Variants in NAV2 observed in about 807,000 individuals in gnomAD.
NAV2 encodes the protein helicase, APC down-regulated 1.
A neutral mutation model predicts 223.2 loss-of-function variants in NAV2; 54 were observed. The ratio of observed to expected loss-of-function variants is 0.24; its 90% CI spans 0.19 to 0.30. The LOEUF (loss-of-function observed/expected upper bound fraction) is 0.30. Ranked by LOEUF, NAV2 falls within the 10% of genes least tolerant of loss-of-function variation. The pLI, the probability that NAV2 is intolerant of heterozygous loss-of-function variation, is 1.00. For missense variants in NAV2, 2,806 were observed against 3,147.5 expected, an observed-to-expected ratio of 0.89 and a Z score of 2.60; for synonymous variants, 1,279 against 1,239.3, an observed-to-expected ratio of 1.03 and a Z score of -0.67.
At chr11:19,565,429 G>A (rs1421180611) in intron 1 of NAV2, among the ~76,000 whole-genome samples, 1 of 152,224 alleles carries the variant, frequency 6.6e-6, no homozygotes, top group Admixed American at 6.5e-5. Context: ...TGAGAGCTTC[G>A]GTAGTGGCTT....
intron 3 of NAV2, among the ~76,000 whole-genome samples, chr11:19,866,896 C>G (rs1358080787): frequency 6.6e-6 from 1 of 151,912 alleles, no homozygotes; most frequent in African/African-American, 2.4e-5. Context: ...ACATAATTGC[C>G]AAAGCCTCAC....
intron 3 of NAV2, among the ~76,000 whole-genome samples, chr11:19,845,268 A>G (rs11025288): frequency 0.19 from 28,882 of 152,156 alleles, 2,814 homozygotes; most frequent in Middle Eastern, 0.25. Context: ...TAGGTGGTTA[A>G]CCTCCCAATT....
chr11:20,047,320 C>T (rs2057542816), intron 14 of NAV2, among the ~76,000 whole-genome samples: 1 of 152,180 alleles, frequency 6.6e-6, no homozygotes, highest in Non-Finnish European at 1.5e-5. Flanking sequence ...TGGTAAATTA[C>T]ATTTCTTCCT....
chr11:20,080,461 C>G (rs992751574), intron 25 of NAV2, among the ~76,000 whole-genome samples: 1 of 152,162 alleles, frequency 6.6e-6, no homozygotes, highest in Non-Finnish European at 1.5e-5. Context: ...ATAAAGTACT[C>G]ATCTTTCATT....
At chr11:19,932,272 A>G (rs78836298) in intron 6 of NAV2, among the ~76,000 whole-genome samples, 3 of 144,300 alleles carry the variant, frequency 2.1e-5, no homozygotes, top group Non-Finnish European at 3.1e-5. Context: ...AAAGAAAAGG[A>G]AAAAAAAAAA....
intron 10 of NAV2, among the ~76,000 whole-genome samples, chr11:19,951,660 T>C (rs187335077): frequency 6.6e-6 from 1 of 152,220 alleles, no homozygotes; most frequent in Non-Finnish European, 1.5e-5. Context: ...GTGTTGATTA[T>C]GTCCACAAGG....
chr11:19,726,753 C>T (rs1279727004), intron 1 of NAV2, among the ~76,000 whole-genome samples: 2 of 152,222 alleles, frequency 1.3e-5, no homozygotes, highest in African/African-American at 4.8e-5. Flanking sequence ...GTTAGAAATG[C>T]AGAATCCCAG....
intron 1 of NAV2, among the ~76,000 whole-genome samples, chr11:19,523,355 C>T (rs1393166485): frequency 6.7e-6 from 1 of 149,832 alleles, no homozygotes; most frequent in African/African-American, 2.6e-5. Context: ...GCTCTGGAGT[C>T]AGGAACAGTG....
chr11:19,546,813 C>CT (rs1292530692), intron 1 of NAV2, among the ~76,000 whole-genome samples: 1 of 152,114 alleles, frequency 6.6e-6, no homozygotes, highest in Non-Finnish European at 1.5e-5. Context: ...AGCTTCATTC[C>CT]TAATACACAG....
intron 4 of NAV2, among the ~76,000 whole-genome samples, chr11:19,878,299 C>T (rs1301270776): frequency 6.6e-6 from 1 of 152,198 alleles, no homozygotes; most frequent in Non-Finnish European, 1.5e-5. Flanking sequence ...ATGAGAATCT[C>T]ATTCAGGATT....
At chr11:19,910,281 C>A (rs999898046) in intron 6 of NAV2, among the ~76,000 whole-genome samples, 4 of 152,170 alleles carry the variant, frequency 2.6e-5, no homozygotes, top group African/African-American at 9.7e-5. Context: ...TTACTAAATT[C>A]ACTAATCATT....
intron 1 of NAV2, among the ~76,000 whole-genome samples, chr11:19,443,199 G>C (rs2133716472): frequency 1.3e-5 from 2 of 152,290 alleles, no homozygotes; most frequent in Middle Eastern, 3.4e-3. Context: ...TGAAGCCCTG[G>C]GACAGCATGG....
chr11:19,479,197 G>C (rs1417953729), intron 1 of NAV2, among the ~76,000 whole-genome samples: 2 of 152,142 alleles, frequency 1.3e-5, no homozygotes, highest in African/African-American at 4.8e-5. Flanking sequence ...GATGAACTCT[G>C]ATGGGAAATT....
chr11:19,873,701 C>T (rs919914780), intron 4 of NAV2, among the ~76,000 whole-genome samples: 4 of 152,110 alleles, frequency 2.6e-5, no homozygotes, highest in Non-Finnish European at 5.9e-5. Flanking sequence ...ATTTCCATTT[C>T]CTCCTACCTA....
At position 20,106,175 on chromosome 11, in the gene NAV2, A is replaced by ATATATATGTG. The variant is rs11267537; in HGVS notation, c.6841+449_6841+450insATATATGTGT. On this transcript the variant is annotated intron_variant, in intron 35 of 37. Coordinates refer to ENST00000349880, the MANE Select transcript of NAV2 (RefSeq NM_145117.5). ...TGTGTGTATATATATATATATATAT[A>ATATATATGTG]TGTGTGTGTATATATATATATATAT... Among the ~76,000 whole-genome samples, 67 of 35,828 alleles carry ATATATATGTG rather than the reference A, an allele frequency of 1.9e-3. 8 individuals are homozygous for ATATATATGTG. The highest frequency in any genetic ancestry group is 3.7e-3 in the South Asian group (3 of 816). The allele number at this position is 35,828 out of a possible 152,430, so 23.5% of individuals were successfully genotyped here.
chr11:19,354,179 C>A (rs1328061069), intron 1 of NAV2, among the ~76,000 whole-genome samples: 1 of 152,142 alleles, frequency 6.6e-6, no homozygotes, highest in Non-Finnish European at 1.5e-5. Flanking sequence ...TGCCAGGCAC[C>A]TTTCTAAGAG....
chr11:19,767,641 G>A (rs77284012), intron 1 of NAV2, among the ~76,000 whole-genome samples: 2 of 152,126 alleles, frequency 1.3e-5, no homozygotes, highest in Admixed American at 6.5e-5. Flanking sequence ...CCCAGTGTTC[G>A]CATGCATATC....
At chr11:20,082,901 GA>G in intron 25 of NAV2, 105 bp from the exon 26 acceptor site, 3 of 1,113,736 alleles carry the variant, frequency 2.7e-6, no homozygotes, top group African/African-American at 1.6e-5. Flanking sequence ...TTGGTGGGGG[GA>G]AAAACATGGG....
intron 19 of NAV2, 48 bp downstream of exon 19, chr11:20,056,005 G>A (rs1763354989): frequency 6.4e-7 from 1 of 1,555,676 alleles, no homozygotes; most frequent in African/African-American, 1.4e-5. Context: ...CCATCTCCCA[G>A]GTTACTCAGT....
Sources: allele counts gnomAD v4.1 joint callset (sites outside exome capture counted in the v4.1 genomes callset), GRCh38; gene constraint gnomAD v4.1.1; transcripts MANE v1.5; gene names NCBI Gene and HGNC (gene_info 2026-07-23, HGNC 2026-07-21).